ACAN: variants seen among roughly 807,000 people sequenced by gnomAD.
ACAN encodes aggrecan core protein.
Under a neutral mutation model 169.1 loss-of-function variants are expected in ACAN, and 47 were observed. The observed-to-expected ratio is 0.28, with a 90% CI of 0.22 to 0.35. The LOEUF is 0.35. ACAN is among the 10% of genes least tolerant of loss of function. The pLI, the probability that ACAN is intolerant of heterozygous loss-of-function variation, is 1.00. For missense variants in ACAN, 2,716 were observed against 2,759.9 expected (o/e 0.98, Z 0.36); for synonymous variants, 1,115 against 1,112.2 (o/e 1.00, Z -0.05).
intron 9 of ACAN, among the ~76,000 whole-genome samples, chr15:88,848,544 T>A (rs544599394): frequency 1.3e-5 from 2 of 152,350 alleles, no homozygotes; most frequent in South Asian, 2.1e-4. Context: ...CTGGGCAACA[T>A]GGCCAAATCC....
At position 88,870,249 on chromosome 15, in the gene ACAN, C is replaced by G. The variant is rs757247758; in HGVS notation, c.7061-1133C>G. ...CACCCCTTCAGCCTAAGACTCCTTC[C>G]CCTCGGGTACTGGTCCTTCCATTCC... On this transcript the variant is annotated intron_variant, in intron 14 of 18. Coordinates refer to ENST00000560601, the MANE Select transcript of ACAN (RefSeq NM_001369268.1). This position sits in a 1 kb window ranked among gnomAD's most constrained non-coding sequence, Gnocchi z 6.3. Among the ~76,000 whole-genome samples, 1 of 152,178 alleles carries G rather than the reference C, an allele frequency of 6.6e-6. No individual in the cohort carries two copies. The highest frequency in any genetic ancestry group is 1.5e-5 in the Non-Finnish European group (1 of 68,034).
Position 88,872,887 on chromosome 15 carries a change from G to A in ACAN, c.7309G>A (p.Glu2437Lys), listed in dbSNP as rs764102913. 3.7e-6 allele frequency: 6 copies of A among 1,613,528 alleles called. No homozygotes were observed. Among genetic ancestry groups the A allele is most frequent in the Admixed American group, 1.7e-5 (1 of 60,008 alleles). ...RWSDGHPMQFENWRPNQPDNF... is the reference protein window; with the variant it reads ...RWSDGHPMQFKNWRPNQPDNF... ...TCCCCACTCCCACCCACAGCAATTT[G>A]AGAACTGGCGCCCCAACCAGCCTGA... The change falls in exon 17 of 19, where the codon GAG (glutamate) becomes AAG (lysine). Residue 2437 changes from glutamate (E) to lysine (K), a missense_variant. Glu to Lys is a moderately conservative substitution (Grantham distance 56, BLOSUM62 1). Coordinates refer to ENST00000560601, the MANE Select transcript of ACAN (RefSeq NM_001369268.1). This position sits in a 1 kb window ranked among gnomAD's most constrained non-coding sequence, Gnocchi z 5.4.
At chr15:88,848,244 A>C (rs553611555) in intron 9 of ACAN, among the ~76,000 whole-genome samples, 56 of 152,198 alleles carry the variant, frequency 3.7e-4, no homozygotes, top group African/African-American at 1.0e-3. Context: ...TGAATGTTTC[A>C]TGTGGTCTCC....
In ACAN at chr15:88,839,134, T is replaced by G; in HGVS notation, c.454+88T>G. 1 of 1,528,042 alleles carries G rather than the reference T, an allele frequency of 6.5e-7. No homozygotes were observed. Among genetic ancestry groups the G allele is most frequent in the Non-Finnish European group, 8.8e-7 (1 of 1,139,382 alleles). The allele number at this position is 1,528,042 out of a possible 1,614,324, so 94.7% of individuals were successfully genotyped here. Reference sequence around the variant, plus strand: ...CAGTGCAGGCGCAGGCAGGCTGGCCTTCAAACCAGCTCCTCCACGCACCTC... The same window carrying G: ...CAGTGCAGGCGCAGGCAGGCTGGCCGTCAAACCAGCTCCTCCACGCACCTC... On this transcript the variant is annotated intron_variant, in intron 3 of 18. Transcript: ENST00000560601. This position sits in a 1 kb window ranked among gnomAD's most constrained non-coding sequence, Gnocchi z 4.5.
intron 1 of ACAN, among the ~76,000 whole-genome samples, chr15:88,811,433 A>T (rs1425276880): frequency 6.6e-6 from 1 of 152,186 alleles, no homozygotes; most frequent in African/African-American, 2.4e-5. Context: ...TTAAAATCCT[A>T]AATCTCAAAT....
At chr15:88,827,351 G>C (rs1459925833) in intron 1 of ACAN, among the ~76,000 whole-genome samples, 1 of 152,222 alleles carries the variant, frequency 6.6e-6, no homozygotes, top group Admixed American at 6.5e-5. Flanking sequence ...GGGGTGGGGG[G>C]CCCCATTGTT....
At chr15:88,841,416 C>T (rs1334156555) in intron 4 of ACAN, among the ~76,000 whole-genome samples, 1 of 152,144 alleles carries the variant, frequency 6.6e-6, no homozygotes, top group East Asian at 1.9e-4. Flanking sequence ...TCTGTGGGTG[C>T]TTCACGCTAC....
At chr15:88,827,957 C>G (rs1896265744) in intron 1 of ACAN, among the ~76,000 whole-genome samples, 1 of 152,130 alleles carries the variant, frequency 6.6e-6, no homozygotes, top group Admixed American at 6.5e-5. Context: ...AGGGCCTGCT[C>G]CCACCCTGGC....
chr15:88,834,902 C>G (rs1896463033), intron 1 of ACAN, among the ~76,000 whole-genome samples: 1 of 152,168 alleles, frequency 6.6e-6, no homozygotes, highest in Non-Finnish European at 1.5e-5. Context: ...TCTGGTGGGT[C>G]TCCTGTACAT....
intron 1 of ACAN, among the ~76,000 whole-genome samples, chr15:88,832,379 G>A (rs35407254): frequency 0.6 from 90,494 of 151,598 alleles, 27,548 homozygotes; most frequent in Middle Eastern, 0.71. Flanking sequence ...GGAGGCCAAA[G>A]TGGGTGGATC....
chr15:88,834,486 G>T (rs561853265), intron 1 of ACAN, among the ~76,000 whole-genome samples: 6 of 152,206 alleles, frequency 3.9e-5, no homozygotes, highest in Admixed American at 6.5e-5. Flanking sequence ...GCCCCAGCCG[G>T]CGGTGACTGA....
At position 88,874,860 on chromosome 15, in the gene ACAN, G is replaced by C. The variant is rs1056441848; in HGVS notation, c.*379G>C. ...GACTTTATCCAAGAGCAGTGCAATC[G>C]TTGGTTATTTCACCTCCAGGGAGAG... On this transcript the variant is annotated 3_prime_UTR_variant, in exon 19 of 19. Coordinates refer to ENST00000560601, the MANE Select transcript of ACAN (RefSeq NM_001369268.1). This position sits in a 1 kb window ranked among gnomAD's most constrained non-coding sequence, Gnocchi z 7.3. 2 of 355,066 alleles carry C rather than the reference G, an allele frequency of 5.6e-6. No individual in the cohort carries two copies. Among genetic ancestry groups the C allele is most frequent in the Admixed American group, 7.6e-5 (2 of 26,340 alleles). The allele number at this position is 355,066 out of a possible 1,614,324, so 22.0% of individuals were successfully genotyped here.
In ACAN at chr15:88,843,828, G is replaced by C. The variant is rs989622039; in HGVS notation, c.1051+180G>C. Among the ~76,000 whole-genome samples the C allele has an allele frequency of 2.0e-4, 30 of 152,338 alleles. No homozygotes were observed. The highest frequency in any genetic ancestry group is 6.3e-4 in the African/African-American group (26 of 41,578). On this transcript the variant is annotated intron_variant, in intron 6 of 18. Coordinates refer to ENST00000560601, the MANE Select transcript of ACAN (RefSeq NM_001369268.1). The surrounding 1 kb of genome is among the most constrained non-coding windows in gnomAD (Gnocchi z 4.0). ...CTGGTTCCTAGGAAGCCCTAAGGTAGAGACTCTTGAGACTGCAGCGTATCT... is the reference window on the plus strand; with the variant it reads ...CTGGTTCCTAGGAAGCCCTAAGGTACAGACTCTTGAGACTGCAGCGTATCT...
intron 1 of ACAN, among the ~76,000 whole-genome samples, chr15:88,812,098 A>G (rs1473626160): frequency 6.6e-6 from 1 of 152,150 alleles, no homozygotes; most frequent in Non-Finnish European, 1.5e-5. Context: ...GGATGGCTTC[A>G]TTAGCGAAGG....
At chr15:88,837,096 T>A (rs1896523470) in intron 2 of ACAN, among the ~76,000 whole-genome samples, 1 of 152,208 alleles carries the variant, frequency 6.6e-6, no homozygotes, top group South Asian at 2.1e-4. Flanking sequence ...AGGGCCTGCA[T>A]GGGTCCATCC....
chr15:88,838,987 G>A lies in ACAN; in HGVS notation c.395G>A (p.Arg132His), dbSNP rs768518689. 16 of 1,611,892 alleles carry A rather than the reference G, an allele frequency of 9.9e-6. No individual in the cohort carries two copies. The highest frequency in any genetic ancestry group is 4.5e-5 in the East Asian group (2 of 44,898). ...SLRSNDSGVYRCEVMHGIEDS... is the reference protein window; with the variant it reads ...SLRSNDSGVYHCEVMHGIEDS... ...CGCTCCAATGACTCTGGGGTCTACC[G>A]CTGCGAGGTGATGCATGGCATCGAG... Residue 132 changes from arginine (R) to histidine (H), a missense_variant, in exon 3 of 19, where the codon CGC becomes CAC. Physicochemically the swap from Arg to His is conservative, Grantham distance 29. Coordinates refer to ENST00000560601, the MANE Select transcript of ACAN (RefSeq NM_001369268.1). This position sits in a 1 kb window ranked among gnomAD's most constrained non-coding sequence, Gnocchi z 5.1.
rs111439326 is a variant in ACAN at position 88,821,679 on chromosome 15, GA to G, written c.-7-14518del. Among the ~76,000 whole-genome samples, 628 of 152,308 alleles carry G rather than the reference GA, an allele frequency of 4.1e-3. 3 individuals are homozygous for G. The highest frequency in any genetic ancestry group is 0.014 in the African/African-American group (587 of 41,572). ...CAGAAAGAAGGCTGTCCCAAGGAGG[GA>G]AAGCAGTGTCACTGAAGGATGCCCA... is the stretch of plus-strand genomic sequence containing the variant. On this transcript the variant is annotated intron_variant, in intron 1 of 18. Transcript: ENST00000560601.
intron 1 of ACAN, among the ~76,000 whole-genome samples, chr15:88,816,825 G>A (rs1401995039): frequency 6.6e-6 from 1 of 152,198 alleles, no homozygotes; most frequent in Non-Finnish European, 1.5e-5. Flanking sequence ...ACTTCATATG[G>A]ATTCCTTCAG....
At chr15:88,854,114 G>C (rs1182645275) in intron 11 of ACAN, among the ~76,000 whole-genome samples, 4 of 152,150 alleles carry the variant, frequency 2.6e-5, no homozygotes, top group African/African-American at 9.7e-5. Flanking sequence ...TCATTTCTCT[G>C]TTTTTCAAAT....
Sources: allele counts gnomAD v4.1 joint callset (sites outside exome capture counted in the v4.1 genomes callset), GRCh38; gene constraint gnomAD v4.1.1; non-coding constraint Gnocchi (gnomAD v3.1); transcripts MANE v1.5; gene names NCBI Gene and HGNC (gene_info 2026-07-23, HGNC 2026-07-21).